Variants in NCAM1 observed in about 807,000 individuals in gnomAD.
The protein encoded by NCAM1 is neural cell adhesion molecule 1, also known as antigen recognized by monoclonal antibody 5.1H11.
A neutral mutation model predicts 109.8 loss-of-function variants in NCAM1; 14 were observed. That is an observed-to-expected ratio of 0.13 (90% CI 0.08 to 0.20). NCAM1 has a LOEUF of 0.20. NCAM1 is among the 10% of genes least tolerant of loss of function. NCAM1 has a pLI of 1.00. For synonymous variants in NCAM1, 418 were observed against 442.9 expected (o/e 0.94, Z 0.70); for missense variants, 774 against 1,109.9 (o/e 0.70, Z 4.30).
chr11:113,227,508 G>A (rs1318940183), intron 9 of NCAM1, among the ~76,000 whole-genome samples: 1 of 152,202 alleles, frequency 6.6e-6, no homozygotes, highest in East Asian at 1.9e-4. Context: ...GAGGTACAAG[G>A]AGGAGCTGGT....
At chr11:113,107,652 C>G (rs1940233846) in intron 1 of NCAM1, among the ~76,000 whole-genome samples, 1 of 152,090 alleles carries the variant, frequency 6.6e-6, no homozygotes, top group Non-Finnish European at 1.5e-5. Flanking sequence ...CATCAGATCT[C>G]GTGAGACTTT....
At chr11:113,110,547 A>T (rs2135948971) in intron 1 of NCAM1, among the ~76,000 whole-genome samples, 1 of 152,338 alleles carries the variant, frequency 6.6e-6, no homozygotes, top group South Asian at 2.1e-4. Context: ...AGTTAGACAA[A>T]TACAAATGTA....
rs1258276080 is a variant in NCAM1, at chr11:113,278,189, C to T, written c.*2802C>T. The T allele has an allele frequency of 3.3e-5, 5 of 152,152 alleles. No individual in the cohort carries two copies. Among genetic ancestry groups the T allele is most frequent in the Admixed American group, 1.3e-4 (2 of 15,276 alleles). 9.4% of individuals were successfully genotyped at this position (152,152 alleles called of 1,614,324 possible). ...TTTCACACTTTTCTATGGAGCCTTCCGAGTCCCAGGTTTTCACTTGAGGCT... is the reference window on the plus strand; with the variant it reads ...TTTCACACTTTTCTATGGAGCCTTCTGAGTCCCAGGTTTTCACTTGAGGCT... On this transcript the variant is annotated 3_prime_UTR_variant, in exon 20 of 20. Coordinates refer to ENST00000316851, the MANE Select transcript of NCAM1 (RefSeq NM_181351.5).
At chr11:113,009,900 G>A (rs1555074061) in intron 1 of NCAM1, among the ~76,000 whole-genome samples, 1 of 152,154 alleles carries the variant, frequency 6.6e-6, no homozygotes, top group African/African-American at 2.4e-5. Context: ...ATGCATAAGA[G>A]ACCAAGATCT....
At chr11:113,004,011 C>T (rs1035553101) in intron 1 of NCAM1, among the ~76,000 whole-genome samples, 8 of 149,080 alleles carry the variant, frequency 5.4e-5, no homozygotes, top group East Asian at 2.0e-4. Flanking sequence ...GTTGTGAATA[C>T]GTCAGGGAGA....
At chr11:113,014,333 A>T (rs1952152458) in intron 1 of NCAM1, among the ~76,000 whole-genome samples, 1 of 152,120 alleles carries the variant, frequency 6.6e-6, no homozygotes, top group Non-Finnish European at 1.5e-5. Context: ...CTCCAAGCAG[A>T]TGGGGCTGGC....
chr11:113,196,639 C>T (rs782556209), intron 1 of NCAM1, among the ~76,000 whole-genome samples: 134 of 152,154 alleles, frequency 8.8e-4, no homozygotes, highest in African/African-American at 3.2e-3. Context: ...CCCTGTTTTA[C>T]AGATGAGACA....
At chr11:113,171,400 C>T (rs782737648) in intron 1 of NCAM1, among the ~76,000 whole-genome samples, 5 of 151,982 alleles carry the variant, frequency 3.3e-5, no homozygotes, top group Non-Finnish European at 7.4e-5. Context: ...GGGAGGCCGA[C>T]GCGGGTAGAT....
At chr11:113,195,455 C>CCACACACACA (rs10642528) in intron 1 of NCAM1, among the ~76,000 whole-genome samples, 5 of 141,492 alleles carry the variant, frequency 3.5e-5, no homozygotes, top group Admixed American at 2.2e-4. Context: ...TAAATACACA[C>CCACACACACA]CACACACACA....
At chr11:113,044,878 C>G (rs572298214) in intron 1 of NCAM1, among the ~76,000 whole-genome samples, 1 of 151,912 alleles carries the variant, frequency 6.6e-6, no homozygotes. Context: ...CTCAGCCTCC[C>G]GAGTAGCTGG....
At position 113,208,109 on chromosome 11, in the gene NCAM1, A is replaced by G. The variant is rs538479257; in HGVS notation, c.916+107A>G. On this transcript the variant is annotated intron_variant, in intron 7 of 19. Coordinates refer to ENST00000316851, the MANE Select transcript of NCAM1 (RefSeq NM_181351.5). ...CCACTGTCCCTCAGAACATAACCCA[A>G]TGCAACCATTTCTTGCCAGTTCCAC... The G allele has an allele frequency of 3.5e-5, 45 of 1,283,110 alleles. No individual in the cohort carries two copies. In the Middle Eastern group the frequency reaches 7.9e-4, roughly 23 times the overall value. The allele number at this position is 1,283,110 out of a possible 1,614,324, so 79.5% of individuals were successfully genotyped here.
chr11:112,991,053 T>A (rs1350722910), intron 1 of NCAM1, among the ~76,000 whole-genome samples: 1 of 152,196 alleles, frequency 6.6e-6, no homozygotes, highest in East Asian at 1.9e-4. Context: ...TTGTGTTTTC[T>A]GCACGTGTTT....
intron 1 of NCAM1, among the ~76,000 whole-genome samples, chr11:113,039,509 G>A (rs1441351526): frequency 6.6e-6 from 1 of 152,142 alleles, no homozygotes. Context: ...AACCAGACAA[G>A]TTGTACAATT....
intron 1 of NCAM1, among the ~76,000 whole-genome samples, chr11:113,100,103 A>G (rs1336962035): frequency 6.6e-6 from 1 of 152,180 alleles, no homozygotes; most frequent in African/African-American, 2.4e-5. Flanking sequence ...TGTACTTGGT[A>G]GAAGACACCA....
At position 113,202,324 on chromosome 11, in the gene NCAM1, C is replaced by A. The variant is rs368316387; in HGVS notation, c.53-55C>A. 5.8e-5 allele frequency: 81 copies of A among 1,384,720 alleles called. 1 individual carries two copies. The African/African-American group carries it at 7.4e-4, about 13-fold the overall frequency. 85.8% of individuals were successfully genotyped at this position (1,384,720 alleles called of 1,614,324 possible). On this transcript the variant is annotated intron_variant, in intron 1 of 19. Transcript: ENST00000316851. ...CATTGGAATGTACGTTTGAACTGAA[C>A]TTTGTGGGTTTTTTTTTGTTTTTTG...
At chr11:112,995,791 C>T (rs572406813) in intron 1 of NCAM1, among the ~76,000 whole-genome samples, 52 of 152,172 alleles carry the variant, frequency 3.4e-4, no homozygotes, top group Non-Finnish European at 6.3e-4. Flanking sequence ...GATCTTTGGC[C>T]GTATCTCATA....
In NCAM1 at chr11:113,206,046, G is replaced by A. The variant is rs1427701599; in HGVS notation, c.494G>A (p.Arg165Gln). 17 of 1,613,776 alleles carry A rather than the reference G, an allele frequency of 1.1e-5. No individual in the cohort carries two copies. Among genetic ancestry groups the A allele is most frequent in the Non-Finnish European group, 1.3e-5 (15 of 1,179,850 alleles). Residue 165 changes from arginine (R) to glutamine (Q), a missense_variant, in exon 5 of 20, where the codon CGA (arginine) becomes CAA (glutamine). Transcript: ENST00000316851. Reference protein sequence around the residue: ...GRDVILKKDVRFIVLSNNYLQ... With the variant: ...GRDVILKKDVQFIVLSNNYLQ... The stretch of plus-strand genomic sequence containing the variant: ...ACCTGCCTCTTATCTCTTCTAGTCC[G>A]ATTCATAGTCCTGTCCAACAACTAC...
At chr11:113,122,629 A>G (rs1426115140) in intron 1 of NCAM1, among the ~76,000 whole-genome samples, 1 of 152,058 alleles carries the variant, frequency 6.6e-6, no homozygotes, top group African/African-American at 2.4e-5. Flanking sequence ...ACTAAAATAC[A>G]AAAAATTAGC....
At chr11:113,126,344 T>C (rs1038017212) in intron 1 of NCAM1, among the ~76,000 whole-genome samples, 2 of 151,978 alleles carry the variant, frequency 1.3e-5, no homozygotes, top group South Asian at 2.1e-4. Context: ...TCAGAGAGGA[T>C]TGGGCTCAGT....
Sources: allele counts gnomAD v4.1 joint callset (sites outside exome capture counted in the v4.1 genomes callset), GRCh38; gene constraint gnomAD v4.1.1; transcripts MANE v1.5; gene names NCBI Gene and HGNC (gene_info 2026-07-23, HGNC 2026-07-21).